Variants in DNAJC1 observed in about 807,000 individuals in gnomAD.
DNAJC1 encodes DnaJ heat shock protein family (Hsp40) member C1, also known as dnaJ homolog subfamily C member 1.
A neutral mutation model predicts 76.6 loss-of-function variants in DNAJC1; 58 were observed. The ratio of observed to expected loss-of-function variants is 0.76; its 90% CI spans 0.61 to 0.94. DNAJC1 has a LOEUF of 0.94. DNAJC1 is among the 40% of genes least tolerant of loss of function. The pLI is 0.00. For synonymous variants in DNAJC1, 258 were observed against 267.9 expected (o/e 0.96, Z 0.36); for missense variants, 689 against 677.3 (o/e 1.02, Z -0.19).
chr10:21,765,558 T>A (rs951873328), intron 10 of DNAJC1, among the ~76,000 whole-genome samples: 3 of 151,992 alleles, frequency 2.0e-5, no homozygotes, highest in Non-Finnish European at 4.4e-5. Context: ...TTAAGAAACA[T>A]AAATGGGGCT....
At position 21,830,807 on chromosome 10, in the gene DNAJC1, A is replaced by T. The variant is rs536711298; in HGVS notation, c.979-24708T>A. ...GACCAGATCATCTTCTAACTCATGA[A>T]TTCTCATTTTAGAAGTTCAATTCAA... On this transcript the variant is annotated intron_variant, in intron 8 of 11. Transcript: ENST00000376980. 2.6e-5 allele frequency among the ~76,000 whole-genome samples: 4 copies of T among 152,298 alleles called. No individual in the cohort carries two copies. The South Asian group carries it at 8.3e-4, about 32-fold the overall frequency.
chr10:21,806,158 G>T, intron 8 of DNAJC1, 59 bp from the exon 9 acceptor site: 1 of 1,521,422 alleles, frequency 6.6e-7, no homozygotes, highest in Non-Finnish European at 8.9e-7. Context: ...AAGATAATTG[G>T]AAGAATAAAA....
rs560535323 is a variant in DNAJC1 at position 21,782,016 on chromosome 10, T to A, written c.1099-15707A>T. 2.6e-4 allele frequency among the ~76,000 whole-genome samples: 40 copies of A among 152,042 alleles called. 1 individual carries two copies. Among genetic ancestry groups the A allele is most frequent in the African/African-American group, 9.4e-4 (39 of 41,464 alleles). ...AGCAAGAGCGAACACATTCAGAAGC[T>A]AGCAGAAGGCAAGAAATAACTAAGA... is the stretch of plus-strand genomic sequence containing the variant. On this transcript the variant is annotated intron_variant, in intron 9 of 11. Coordinates refer to ENST00000376980, the MANE Select transcript of DNAJC1 (RefSeq NM_022365.4).
intron 1 of DNAJC1, among the ~76,000 whole-genome samples, chr10:21,988,884 C>G (rs1051026380): frequency 1.3e-5 from 2 of 152,182 alleles, no homozygotes; most frequent in Non-Finnish European, 2.9e-5. Context: ...TCTCTTTTCC[C>G]ACCTGGCAAA....
chr10:21,908,270 T>A (rs866257679), intron 6 of DNAJC1, among the ~76,000 whole-genome samples: 21 of 111,624 alleles, frequency 1.9e-4, no homozygotes, highest in South Asian at 1.0e-3. Flanking sequence ...TATATATATT[T>A]TATATATATA....
At chr10:21,983,980 T>C (rs1431440394) in intron 1 of DNAJC1, among the ~76,000 whole-genome samples, 1 of 152,208 alleles carries the variant, frequency 6.6e-6, no homozygotes, top group Non-Finnish European at 1.5e-5. Flanking sequence ...GTTTACATAC[T>C]GTACTCACAA....
At chr10:21,968,321 C>A (rs1837922913) in intron 1 of DNAJC1, among the ~76,000 whole-genome samples, 1 of 152,086 alleles carries the variant, frequency 6.6e-6, no homozygotes, top group African/African-American at 2.4e-5. Context: ...ATTGAAACCT[C>A]ACAATCACCT....
At position 21,759,545 on chromosome 10, in the gene DNAJC1, G is replaced by T. The variant is rs1165635135; in HGVS notation, c.1221C>A (p.Pro407=). The T allele has an allele frequency of 2.5e-6, 4 of 1,614,120 alleles. No homozygotes were observed. The highest frequency in any genetic ancestry group is 2.5e-6 in the Non-Finnish European group (3 of 1,180,028). The change falls in exon 11 of 12, where the codon CCC becomes CCA. Residue 407 remains proline, a synonymous_variant. Transcript: ENST00000376980. ...SRPIKTATTL[P]DDMITQREDA... ...CCTCTCGCTGGGTGATCATGTCATC[G>T]GGCAAGGTGGTGGCCGTTTTGATGG... is the stretch of plus-strand genomic sequence containing the variant.
chr10:21,773,171 T>C lies in DNAJC1; in HGVS notation c.1099-6862A>G, dbSNP rs184498213. 3.3e-5 allele frequency among the ~76,000 whole-genome samples: 5 copies of C among 152,348 alleles called. No individual in the cohort carries two copies. In the East Asian group the frequency reaches 9.7e-4, roughly 29 times the overall value. On this transcript the variant is annotated intron_variant, in intron 9 of 11. Transcript: ENST00000376980. ...CTGCTTTTTGTTATTTTCTTTTTTC[T>C]GTGTGCTTTAGGTATAGTTTGTTCT...
At chr10:21,922,538 T>G (rs1217620588) in intron 3 of DNAJC1, among the ~76,000 whole-genome samples, 1 of 152,000 alleles carries the variant, frequency 6.6e-6, no homozygotes, top group Non-Finnish European at 1.5e-5. Flanking sequence ...GGTGCTATTC[T>G]TTTTCAATGT....
At chr10:21,806,389 CCATT>C (rs1168498586) in intron 8 of DNAJC1, among the ~76,000 whole-genome samples, 4 of 151,952 alleles carry the variant, frequency 2.6e-5, no homozygotes, top group African/African-American at 9.7e-5. Context: ...TTAAAAAAGA[CCATT>C]CAGCTTTGAA....
chr10:21,804,020 T>G, intron 9 of DNAJC1: 1 of 964,098 alleles, frequency 1.0e-6, no homozygotes, highest in Non-Finnish European at 1.2e-6. Flanking sequence ...TGGGATGAAT[T>G]TGCAAAAGTT....
chr10:21,999,697 C>A (rs1838486164), intron 1 of DNAJC1, among the ~76,000 whole-genome samples: 1 of 152,176 alleles, frequency 6.6e-6, no homozygotes, highest in Non-Finnish European at 1.5e-5. Flanking sequence ...TCGTGATCCA[C>A]CCGCCTCAGC....
intron 9 of DNAJC1, among the ~76,000 whole-genome samples, chr10:21,787,390 A>C (rs1473322044): frequency 1.3e-5 from 2 of 151,858 alleles, no homozygotes; most frequent in Admixed American, 6.6e-5. Flanking sequence ...AAAAAGAAGA[A>C]AGAAGAAAAG....
At chr10:21,856,147 G>A (rs1028122546) in intron 8 of DNAJC1, among the ~76,000 whole-genome samples, 1 of 152,122 alleles carries the variant, frequency 6.6e-6, no homozygotes, top group Non-Finnish European at 1.5e-5. Context: ...AAAGGGTTTT[G>A]TTTTGAAAGG....
At chr10:21,989,677 A>T (rs1443657227) in intron 1 of DNAJC1, among the ~76,000 whole-genome samples, 1 of 152,174 alleles carries the variant, frequency 6.6e-6, no homozygotes, top group Non-Finnish European at 1.5e-5. Context: ...TGTATCTGAG[A>T]TGTTAAGAGG....
Position 21,888,500 on chromosome 10 carries a change from T to C in DNAJC1, c.821-6061A>G, listed in dbSNP as rs1057217855. On this transcript the variant is annotated intron_variant, in intron 7 of 11. Transcript: ENST00000376980. ...GGAATCAACCTGAATGCCCATCAATTAGCAATTTGATAAAGAAAATATGGT... is the reference window on the plus strand; with the variant it reads ...GGAATCAACCTGAATGCCCATCAATCAGCAATTTGATAAAGAAAATATGGT... Among the ~76,000 whole-genome samples, 8 of 151,840 alleles carry C rather than the reference T, an allele frequency of 5.3e-5. No homozygotes were observed. In the South Asian group the frequency reaches 1.0e-3, roughly 20 times the overall value.
intron 1 of DNAJC1, among the ~76,000 whole-genome samples, chr10:21,997,983 G>C (rs34061950): frequency 6.6e-6 from 1 of 152,126 alleles, no homozygotes; most frequent in South Asian, 2.1e-4. Flanking sequence ...AGATAATTTA[G>C]CTTGTCATTA....
chr10:21,806,668 AT>A (rs1376919684), intron 8 of DNAJC1, among the ~76,000 whole-genome samples: 2 of 151,980 alleles, frequency 1.3e-5, no homozygotes, highest in African/African-American at 2.4e-5. Context: ...TTAAAATAAT[AT>A]TTTTTCAAGA....
Sources: gnomAD v4.1 joint callset for allele counts (sites outside exome capture counted in the v4.1 genomes callset) on GRCh38, gnomAD v4.1.1 for gene constraint, MANE v1.5 for transcripts, NCBI Gene and HGNC (gene_info 2026-07-23, HGNC 2026-07-21) for gene names.